MEGF8: variants seen among roughly 807,000 people sequenced by gnomAD.
MEGF8 encodes the protein multiple EGF like domains 8.
Under a neutral mutation model 302.9 loss-of-function variants are expected in MEGF8, and 156 were observed. That is an observed-to-expected ratio of 0.52 (90% confidence interval 0.45 to 0.59). The LOEUF (loss-of-function observed/expected upper bound fraction) is 0.59. MEGF8 is among the 20% of genes least tolerant of loss of function. The pLI is 0.00. For synonymous variants in MEGF8, 1,621 were observed against 1,660.5 expected (o/e 0.98, Z 0.58); for missense variants, 3,345 against 3,964.5 (o/e 0.84, Z 4.20).
rs371473543 is a variant in MEGF8 at position 42,362,049 on chromosome 19, G to A, written c.5721-41G>A. On this transcript the variant is annotated intron_variant, in intron 32 of 41. Coordinates refer to ENST00000251268, the MANE Select transcript of MEGF8 (RefSeq NM_001271938.2). ...AGTGTCTGGGAGGCAGAAGGAGGGGGTCTGGATGGGTGTGAGTGAGCCAGG... is the reference window on the plus strand; with the variant it reads ...AGTGTCTGGGAGGCAGAAGGAGGGGATCTGGATGGGTGTGAGTGAGCCAGG... 7 of 1,605,036 alleles carry A rather than the reference G, an allele frequency of 4.4e-6. No homozygotes were observed. The African/African-American group carries it at 6.7e-5, about 15-fold the overall frequency.
intron 33 of MEGF8, 43 bp downstream of exon 33, chr19:42,362,256 G>A: frequency 6.2e-7 from 1 of 1,609,642 alleles, no homozygotes; most frequent in South Asian, 1.1e-5. Flanking sequence ...GCAGGTGTAG[G>A]GCAGGGAGGT....
Position 42,356,975 on chromosome 19 carries a change from G to C in MEGF8, c.4824G>C (p.Gln1608His), listed in dbSNP as rs775418910. The change falls in exon 27 of 42, where the codon CAG becomes CAC. Residue 1608 changes from glutamine (Q) to histidine (H), a missense_variant. Gln to His is a conservative substitution (Grantham distance 24). Transcript: ENST00000251268. The surrounding 1 kb of genome is among the most constrained non-coding windows in gnomAD (Gnocchi z 5.2). The part of the protein sequence containing the change: ...VLNLTTLQWR[Q>H]EKAPQTVELP... Reference sequence around the variant, plus strand: ...ACCTCACCACCCTGCAATGGCGGCAGGAGAAGGTGAGCATCTCTCCCCAGC... The same window carrying C: ...ACCTCACCACCCTGCAATGGCGGCACGAGAAGGTGAGCATCTCTCCCCAGC... 1 of 1,597,118 alleles carries C rather than the reference G, an allele frequency of 6.3e-7. No individual in the cohort carries two copies. The highest frequency in any genetic ancestry group is 2.3e-5 in the East Asian group (1 of 44,102).
At position 42,368,676 on chromosome 19, in the gene MEGF8, G is replaced by A; in HGVS notation, c.6481+14G>A. The A allele has an allele frequency of 6.5e-7, 1 of 1,533,568 alleles. No individual in the cohort carries two copies. Among genetic ancestry groups the A allele is most frequent in the Non-Finnish European group, 8.8e-7 (1 of 1,140,746 alleles). 95.0% of individuals were successfully genotyped at this position (1,533,568 alleles called of 1,614,324 possible). On this transcript the variant is annotated intron_variant, in intron 36 of 41. Coordinates refer to ENST00000251268, the MANE Select transcript of MEGF8 (RefSeq NM_001271938.2). This position sits in a 1 kb window ranked among gnomAD's most constrained non-coding sequence, Gnocchi z 4.9. Reference sequence around the variant, plus strand: ...GCCCCCGTGATGGTGAGAGGGCTTTGGGCACTGGGGGAGAGGGGCTGGCCC... The same window carrying A: ...GCCCCCGTGATGGTGAGAGGGCTTTAGGCACTGGGGGAGAGGGGCTGGCCC...
chr19:42,369,619 T>G lies in MEGF8; in HGVS notation c.6730T>G (p.Phe2244Val). The change falls in exon 38 of 42, where the codon TTT becomes GTT. Residue 2244 changes from phenylalanine (F) to valine (V), a missense_variant. Transcript: ENST00000251268. The surrounding 1 kb of genome is among the most constrained non-coding windows in gnomAD (Gnocchi z 5.7). ...CGACCACTGCCGCTGCCACTTTGGCTTTGTGGGCCGCAACTGCTCCACGGA... is the reference window on the plus strand; with the variant it reads ...CGACCACTGCCGCTGCCACTTTGGCGTTGTGGGCCGCAACTGCTCCACGGA... ...EPDHCRCHFG[F>V]VGRNCSTECR... The G allele has an allele frequency of 6.2e-7, 1 of 1,613,076 alleles. No homozygotes were observed. Among genetic ancestry groups the G allele is most frequent in the Non-Finnish European group, 8.5e-7 (1 of 1,179,794 alleles).
At position 42,335,949 on chromosome 19, in the gene MEGF8, G is replaced by A; in HGVS notation, c.847G>A (p.Val283Met). Residue 283 changes from valine to methionine, a missense_variant, in exon 6 of 42, where the codon GTG becomes ATG. Coordinates refer to ENST00000251268, the MANE Select transcript of MEGF8 (RefSeq NM_001271938.2). ...CTCACAGGCTGCCCGTCACTCCCAT[G>A]TGGCCGTGGCCTGGGCCGGCTCCCT... ...SPAPAARHSH[V>M]AVAWAGSLVL... The A allele has an allele frequency of 1.3e-6, 2 of 1,483,852 alleles. No homozygotes were observed. The highest frequency in any genetic ancestry group is 1.8e-6 in the Non-Finnish European group (2 of 1,116,106). 91.9% of individuals were successfully genotyped at this position (1,483,852 alleles called of 1,614,324 possible).
Position 42,369,115 on chromosome 19 carries a change from C to A in MEGF8, c.6641+113C>A. The A allele has an allele frequency of 1.5e-6, 2 of 1,359,780 alleles. No individual in the cohort carries two copies. The highest frequency in any genetic ancestry group is 2.0e-6 in the Non-Finnish European group (2 of 1,010,668). 84.2% of individuals were successfully genotyped at this position (1,359,780 alleles called of 1,614,324 possible). On this transcript the variant is annotated intron_variant, in intron 37 of 41. Coordinates refer to ENST00000251268, the MANE Select transcript of MEGF8 (RefSeq NM_001271938.2). The surrounding 1 kb of genome is among the most constrained non-coding windows in gnomAD (Gnocchi z 5.7). ...GGACAGAAGAAAAGAAAGCTCGAGG[C>A]ATGAAGGCAGTGGGATTGATTCCTG...
rs756510671 is a variant in MEGF8, at chr19:42,375,706, G to T, written c.7469G>T (p.Arg2490Leu). 46 of 1,610,954 alleles carry T rather than the reference G, an allele frequency of 2.9e-5. No homozygotes were observed. Among genetic ancestry groups the T allele is most frequent in the Non-Finnish European group, 3.7e-5 (44 of 1,179,088 alleles). The change falls in exon 42 of 42, where the codon CGC (arginine) becomes CTC (leucine). Residue 2490 changes from arginine to leucine, a missense_variant. Transcript: ENST00000251268. This position sits in a 1 kb window ranked among gnomAD's most constrained non-coding sequence, Gnocchi z 7.1. ...CCCAAATTCACCAACGTGGACATCC[G>T]CCTGACGCTGGACGTGACCTTCGGG... Reference protein sequence around the residue: ...VQPKFTNVDIRLTLDVTFGAV... With the variant: ...VQPKFTNVDILLTLDVTFGAV...
At position 42,352,701 on chromosome 19, in the gene MEGF8, G is replaced by A. The variant is rs982270531; in HGVS notation, c.3351-227G>A. On this transcript the variant is annotated intron_variant, in intron 19 of 41. Transcript: ENST00000251268. This position sits in a 1 kb window ranked among gnomAD's most constrained non-coding sequence, Gnocchi z 4.4. ...TAGTCTTCAGCGTTGCCATGGAGGCGGAGGAGGACCTAGTTGAAAGAGGTT... is the reference window on the plus strand; with the variant it reads ...TAGTCTTCAGCGTTGCCATGGAGGCAGAGGAGGACCTAGTTGAAAGAGGTT... 43 of 645,878 alleles carry A rather than the reference G, an allele frequency of 6.7e-5. No individual in the cohort carries two copies. The highest frequency in any genetic ancestry group is 4.6e-4 in the African/African-American group (25 of 54,640). 40.0% of individuals were successfully genotyped at this position (645,878 alleles called of 1,614,324 possible). A position where few individuals can be genotyped will look rare whatever the true frequency, so the allele number is the denominator to read the frequency against.
intron 8 of MEGF8, among the ~76,000 whole-genome samples, chr19:42,341,487 A>G (rs908078588): frequency 1.3e-5 from 2 of 151,428 alleles, no homozygotes; most frequent in Admixed American, 6.6e-5. Flanking sequence ...TTTTTTGTAG[A>G]GATGAGGCCT....
At chr19:42,342,246 T>C (rs553267917) in intron 8 of MEGF8, among the ~76,000 whole-genome samples, 1 of 152,248 alleles carries the variant, frequency 6.6e-6, no homozygotes, top group South Asian at 2.1e-4. Flanking sequence ...CGCAGGTCAG[T>C]AAGAGGGTAG....
chr19:42,351,047 C>G lies in MEGF8; in HGVS notation c.2737-169C>G, dbSNP rs2039361871. ...GACAGTGGGTGCTGGGCGGGCCGAC[C>G]CATGGGTGTCTGTGGTCGAAGGGAG... On this transcript the variant is annotated intron_variant, in intron 15 of 41. Coordinates refer to ENST00000251268, the MANE Select transcript of MEGF8 (RefSeq NM_001271938.2). This position sits in a 1 kb window ranked among gnomAD's most constrained non-coding sequence, Gnocchi z 5.6. 1.5e-6 allele frequency: 1 copy of G among 646,350 alleles called. No homozygotes were observed. The highest frequency in any genetic ancestry group is 1.8e-5 in the African/African-American group (1 of 54,404). 40.0% of individuals were successfully genotyped at this position (646,350 alleles called of 1,614,324 possible).
intron 32 of MEGF8, 123 bp from the exon 33 acceptor site, chr19:42,361,967 G>T: frequency 7.0e-7 from 1 of 1,427,520 alleles, no homozygotes; most frequent in Admixed American, 2.2e-5. Flanking sequence ...GGACAGCCAG[G>T]CTCAGGAGGC....
chr19:42,328,857 AAAG>A (rs1189174442), intron 1 of MEGF8, among the ~76,000 whole-genome samples: 1 of 152,114 alleles, frequency 6.6e-6, no homozygotes, highest in Non-Finnish European at 1.5e-5. Context: ...CCTCAAAAAA[AAAG>A]AAAAAACGTC....
In MEGF8 at chr19:42,376,793, T is replaced by C. The variant is rs879176316; in HGVS notation, c.*18T>C. ...CCCTCTGACATGCCCAGGGTTCTCATCCACAGCAGCTGGGTCACCTGATAG... is the reference window on the plus strand; with the variant it reads ...CCCTCTGACATGCCCAGGGTTCTCACCCACAGCAGCTGGGTCACCTGATAG... On this transcript the variant is annotated 3_prime_UTR_variant, in exon 42 of 42. Coordinates refer to ENST00000251268, the MANE Select transcript of MEGF8 (RefSeq NM_001271938.2). The surrounding 1 kb of genome is among the most constrained non-coding windows in gnomAD (Gnocchi z 8.2). 1.1e-5 allele frequency: 16 copies of C among 1,428,060 alleles called. No homozygotes were observed. The South Asian group carries it at 2.1e-4, about 19-fold the overall frequency. 88.5% of individuals were successfully genotyped at this position (1,428,060 alleles called of 1,614,324 possible). A position where few individuals can be genotyped will look rare whatever the true frequency, so the allele number is the denominator to read the frequency against.
intron 35 of MEGF8, among the ~76,000 whole-genome samples, chr19:42,363,949 C>G (rs1018301292): frequency 2.0e-5 from 3 of 152,158 alleles, no homozygotes; most frequent in Non-Finnish European, 4.4e-5. Flanking sequence ...TTCCAGAGAC[C>G]ACGTTCATCT....
chr19:42,347,880 A>T (rs1055588405), intron 12 of MEGF8, among the ~76,000 whole-genome samples: 1 of 152,134 alleles, frequency 6.6e-6, no homozygotes, highest in South Asian at 2.1e-4. Context: ...CTCTTCTGCT[A>T]TTACAAAATC....
rs774819152 is a variant in MEGF8, at chr19:42,335,127, C to T, written c.651C>T (p.Asn217=). 1.4e-5 allele frequency: 23 copies of T among 1,613,916 alleles called. No homozygotes were observed. The highest frequency in any genetic ancestry group is 3.3e-4 in the Middle Eastern group (2 of 6,060). ...WENQGAGWWH[N]VSARDPAFSA... ...ACCAGGGGGCTGGGTGGTGGCACAA[C>T]GTGAGTGCCAGGGACCCTGCCTTCT... Residue 217 remains asparagine (N), a synonymous_variant, in exon 4 of 42, where the codon AAC becomes AAT. Coordinates refer to ENST00000251268, the MANE Select transcript of MEGF8 (RefSeq NM_001271938.2).
At chr19:42,334,980 C>G (rs1419374161) in intron 3 of MEGF8, 55 bp from the exon 4 acceptor site, 17 of 1,529,616 alleles carry the variant, frequency 1.1e-5, no homozygotes, top group Non-Finnish European at 1.4e-5. Flanking sequence ...TCCTTTGTCT[C>G]TCTGTCCTTG....
chr19:42,331,849 C>T lies in MEGF8; in HGVS notation c.188-1756C>T, dbSNP rs560742424. On this transcript the variant is annotated intron_variant, in intron 1 of 41. Transcript: ENST00000251268. ...CCTCCCAAAGTGCTGGGATTATAGG[C>T]GTGACCCACGGCACCCAGCCTCTTT... Among the ~76,000 whole-genome samples the T allele has an allele frequency of 3.3e-3, 486 of 147,520 alleles. 1 individual carries two copies. Among genetic ancestry groups the T allele is most frequent in the African/African-American group, 0.012 (472 of 39,724 alleles).
Sources: gnomAD v4.1 joint callset for allele counts (sites outside exome capture counted in the v4.1 genomes callset) on GRCh38, gnomAD v4.1.1 for gene constraint, Gnocchi (gnomAD v3.1) non-coding constraint, MANE v1.5 for transcripts, NCBI Gene and HGNC (gene_info 2026-07-23, HGNC 2026-07-21) for gene names.